The following RTL4 variants were observed in gnomAD, a reference collection of about 807,000 sequenced individuals.
The protein encoded by RTL4 is retrotransposon Gag-like protein 4.
In RTL4, 4 loss-of-function variants were observed where a neutral mutation model predicts 5.3. The ratio of observed to expected loss-of-function variants is 0.75; its 90% confidence interval spans 0.37 to 1.72. RTL4 has a LOEUF of 1.72. Ranked by LOEUF, RTL4 falls within the 40% of genes most tolerant of loss-of-function variation. The probability of loss-of-function intolerance (pLI) is 0.04; values close to 1 mark genes in which losing one functional copy is unlikely to be tolerated. For missense variants in RTL4, 260 were observed against 227.1 expected (o/e 1.14, Z -0.93); for synonymous variants, 98 against 87.3 (o/e 1.12, Z -0.68).
chrX:112,247,016 C>G, the RTL4 span, among the ~76,000 whole-genome samples: 3 of 111,387 alleles, frequency 2.7e-5, no homozygotes, highest in African/African-American at 9.8e-5. Context: ...AGCAACTACT[C>G]AAAAAACTGC....
the RTL4 span, among the ~76,000 whole-genome samples, chrX:112,431,958 C>T: frequency 1.2e-4 from 12 of 98,321 alleles, no homozygotes; most frequent in African/African-American, 4.1e-4. Context: ...TCAATTCCCA[C>T]CTATGAGTGA....
At chrX:112,235,053 C>T in the RTL4 span, among the ~76,000 whole-genome samples, 1 of 111,168 alleles carries the variant, frequency 9.0e-6, no homozygotes, top group Non-Finnish European at 1.9e-5. Flanking sequence ...GGTGGCTTTC[C>T]TTCCCTTTTT....
the RTL4 span, among the ~76,000 whole-genome samples, chrX:112,114,963 G>A: frequency 9.0e-6 from 1 of 111,136 alleles, no homozygotes; most frequent in African/African-American, 3.3e-5. Context: ...GCGAATATTG[G>A]GGCCAGGCCA....
the RTL4 span, among the ~76,000 whole-genome samples, chrX:112,379,415 A>C: frequency 8.9e-6 from 1 of 112,377 alleles, no homozygotes; most frequent in African/African-American, 3.2e-5. Flanking sequence ...TGTCAAGAGA[A>C]GATTTTCCCT....
chrX:112,301,797 A>T, the RTL4 span, among the ~76,000 whole-genome samples: 24,499 of 106,121 alleles, frequency 0.23, 2,487 homozygotes, highest in Admixed American at 0.33. Flanking sequence ...CCCTGTCTTT[A>T]AAAAAAAATG....
chrX:112,200,151 C>A, the RTL4 span, among the ~76,000 whole-genome samples: 1 of 111,870 alleles, frequency 8.9e-6, no homozygotes, highest in Non-Finnish European at 1.9e-5. Context: ...TAGTAGGGAA[C>A]CCATAATTCA....
At chrX:112,330,344 C>G in the RTL4 span, among the ~76,000 whole-genome samples, 2 of 91,631 alleles carry the variant, frequency 2.2e-5, no homozygotes, top group African/African-American at 1.1e-4. Flanking sequence ...ACAAAAATCA[C>G]AAGCATTCTT....
At chrX:112,317,205 GT>G in the RTL4 span, among the ~76,000 whole-genome samples, 1 of 111,431 alleles carries the variant, frequency 9.0e-6, no homozygotes, top group Non-Finnish European at 1.9e-5. Context: ...ACCGGGCATG[GT>G]GGCGTGCACC....
chrX:112,440,787 G>A, the RTL4 span, among the ~76,000 whole-genome samples: 2 of 111,964 alleles, frequency 1.8e-5, no homozygotes, highest in Non-Finnish European at 3.8e-5. Flanking sequence ...TCTAATATGA[G>A]TGGTGACAGG....
At chrX:112,395,526 T>C in the RTL4 span, among the ~76,000 whole-genome samples, 2 of 111,711 alleles carry the variant, frequency 1.8e-5, no homozygotes, top group Non-Finnish European at 3.8e-5. Context: ...TATTACTTAA[T>C]AAATAAAATT....
the RTL4 span, chrX:112,382,042 G>C: frequency 8.3e-7 from 1 of 1,209,064 alleles, no homozygotes; most frequent in Non-Finnish European, 1.1e-6. Context: ...AGAAACTAAC[G>C]GCTACTCAAA....
At chrX:112,382,482 C>G in the RTL4 span, among the ~76,000 whole-genome samples, 1 of 111,621 alleles carries the variant, frequency 9.0e-6, no homozygotes, top group Non-Finnish European at 1.9e-5. Context: ...ACACATGACC[C>G]TAACCTAGCC....
chrX:112,336,865 G>A, the RTL4 span, among the ~76,000 whole-genome samples: 325 of 112,413 alleles, frequency 2.9e-3, 1 homozygote, highest in Non-Finnish European at 5.2e-3. Context: ...CAGCTACATA[G>A]CTCTGCTTTT....
chrX:112,144,217 C>T, the RTL4 span, among the ~76,000 whole-genome samples: 1 of 111,430 alleles, frequency 9.0e-6, no homozygotes. Flanking sequence ...TACTTCAGTG[C>T]CGTTTGGAGT....
the RTL4 span, among the ~76,000 whole-genome samples, chrX:112,112,289 TGCTTGCTTTAAGGTTTTGAAG>T: frequency 1.1e-4 from 12 of 111,949 alleles, no homozygotes; most frequent in African/African-American, 3.3e-4. Context: ...CTTGTACTAG[TGCTTGCTTTAAGGTTTTGAAG>T]GCTGTTTCTG....
chrX:112,225,878 C>T, the RTL4 span, among the ~76,000 whole-genome samples: 1 of 111,884 alleles, frequency 8.9e-6, no homozygotes, highest in Non-Finnish European at 1.9e-5. Context: ...AGTGTTTGTG[C>T]AATGGTGTAC....
At chrX:112,377,529 C>A in the RTL4 span, among the ~76,000 whole-genome samples, 1 of 111,636 alleles carries the variant, frequency 9.0e-6, no homozygotes, top group Non-Finnish European at 1.9e-5. Context: ...AGGAAAAGAC[C>A]AAAAATCTAA....
chrX:112,439,748 A>G, the RTL4 span, among the ~76,000 whole-genome samples: 1 of 110,791 alleles, frequency 9.0e-6, no homozygotes, highest in Non-Finnish European at 1.9e-5. Flanking sequence ...GTGAGATCTA[A>G]TTGTTAAAAA....
chrX:112,225,345 C>A, the RTL4 span, among the ~76,000 whole-genome samples: 2 of 111,926 alleles, frequency 1.8e-5, no homozygotes, highest in African/African-American at 3.2e-5. Context: ...GGTGAAATGG[C>A]CCTGCCTAAA....
Sources: allele counts gnomAD v4.1 joint callset (sites outside exome capture counted in the v4.1 genomes callset), GRCh38; gene constraint gnomAD v4.1.1; transcripts MANE v1.5; gene names NCBI Gene and HGNC (gene_info 2026-07-23, HGNC 2026-07-21).